Variants in MYO18A observed in about 807,000 individuals in gnomAD.
The protein encoded by MYO18A is myosin XVIIIA, also known as unconventional myosin-XVIIIa.
MYO18A carries 78 observed loss-of-function variants against 235.8 expected under a neutral mutation model. The ratio of observed to expected loss-of-function variants is 0.33; its 90% CI spans 0.28 to 0.40. The LOEUF (loss-of-function observed/expected upper bound fraction) is 0.40. Ranked by LOEUF, MYO18A falls within the 10% of genes least tolerant of loss-of-function variation. The pLI, the probability that MYO18A is intolerant of heterozygous loss-of-function variation, is 1.00. For synonymous variants in MYO18A, 977 were observed against 1,077.8 expected, an observed-to-expected ratio of 0.91 and a Z score of 1.83; for missense variants, 2,215 against 2,699.3, an observed-to-expected ratio of 0.82 and a Z score of 3.98.
Position 29,115,034 on chromosome 17 carries a change from T to A in MYO18A, c.2384A>T (p.Asn795Ile), listed in dbSNP as rs766833291. The change falls in exon 14 of 42, where the codon AAC becomes ATC. Residue 795 changes from asparagine to isoleucine, a missense_variant. Physicochemically the swap from Asn to Ile is moderately radical, Grantham distance 149. Transcript: ENST00000527372. ...GCGGGCTGACCCACCCTGCTCAGGGTTCTGGAAGCCCGGGGTGTCGACAAT... is the reference window on the plus strand; with the variant it reads ...GCGGGCTGACCCACCCTGCTCAGGGATCTGGAAGCCCGGGGTGTCGACAAT... ...MMIVDTPGFQ[N>I]PEQGGSARGA... The A allele has an allele frequency of 1.9e-5, 30 of 1,613,586 alleles. No homozygotes were observed. The highest frequency in any genetic ancestry group is 1.9e-5 in the Non-Finnish European group (23 of 1,179,874).
chr17:29,174,104 C>A (rs751461695), intron 1 of MYO18A, among the ~76,000 whole-genome samples: 2 of 152,158 alleles, frequency 1.3e-5, no homozygotes, highest in African/African-American at 4.8e-5. Flanking sequence ...ATTCTTTGGG[C>A]AATTCCATTA....
chr17:29,105,768 C>T (rs2066769287), intron 20 of MYO18A, among the ~76,000 whole-genome samples: 1 of 152,138 alleles, frequency 6.6e-6, no homozygotes, highest in South Asian at 2.1e-4. Context: ...AAGGAGGGGA[C>T]ATCTAGAAGA....
At chr17:29,089,636 T>C (rs533174363) in intron 37 of MYO18A, among the ~76,000 whole-genome samples, 2 of 152,246 alleles carry the variant, frequency 1.3e-5, no homozygotes, top group Admixed American at 1.3e-4. Flanking sequence ...TGCATATTTA[T>C]GACCCTGCCA....
chr17:29,127,960 G>A (rs941972047), intron 2 of MYO18A: 1 of 1,005,366 alleles, frequency 9.9e-7, no homozygotes, highest in Non-Finnish European at 1.2e-6. Context: ...GGGCTGGGGA[G>A]CGCTGCTTCT....
Position 29,116,531 on chromosome 17 carries a change from C to T in MYO18A, c.2039-76G>A, listed in dbSNP as rs528953990. 2.1e-4 allele frequency: 340 copies of T among 1,587,852 alleles called. 1 individual carries two copies. In the Admixed American group the frequency reaches 2.4e-3, roughly 11 times the overall value. On this transcript the variant is annotated intron_variant, in intron 10 of 41. Transcript: ENST00000527372. ...GCAAACAGTCATCAATAGAGCTCGC[C>T]GCCTCGGAGGGACCGTGGGGCGGGG... is the stretch of plus-strand genomic sequence containing the variant.
rs957531038 is a variant in MYO18A at position 29,090,252 on chromosome 17, T to TCC, written c.5389-156_5389-155dup. The TCC allele has an allele frequency of 1.8e-5, 15 of 843,206 alleles. No individual in the cohort carries two copies. In the African/African-American group the frequency reaches 2.6e-4, roughly 14 times the overall value. The allele number at this position is 843,206 out of a possible 1,614,324, so 52.2% of individuals were successfully genotyped here. A position where few individuals can be genotyped will look rare whatever the true frequency, so the allele number is the denominator to read the frequency against. Reference sequence around the variant, plus strand: ...AGAATGGAGCCCTGGGCCAGAGGCCTCCCCCATCTGCCCCAGTGCTTGGCA... The same window carrying TCC: ...AGAATGGAGCCCTGGGCCAGAGGCCTCCCCCCCATCTGCCCCAGTGCTTGGCA... On this transcript the variant is annotated intron_variant, in intron 36 of 41. Coordinates refer to ENST00000527372, the MANE Select transcript of MYO18A (RefSeq NM_078471.4).
chr17:29,144,132 T>C (rs1267263136), intron 2 of MYO18A, among the ~76,000 whole-genome samples: 1 of 152,208 alleles, frequency 6.6e-6, no homozygotes, highest in Non-Finnish European at 1.5e-5. Context: ...TGGTGCAATA[T>C]CAGGGCATGG....
Position 29,111,588 on chromosome 17 carries a change from T to C in MYO18A, c.2741-5A>G, listed in dbSNP as rs1008930439. ...TGTGCAGAAGGGGGCTTTGGCCTGA[T>C]GGTGGGAGAAGCAAGATTTAGGTCG... is the stretch of plus-strand genomic sequence containing the variant. On this transcript the variant is annotated splice_polypyrimidine_tract_variant and splice_region_variant and intron_variant, in intron 16 of 41. Coordinates refer to ENST00000527372, the MANE Select transcript of MYO18A (RefSeq NM_078471.4). This position sits in a 1 kb window ranked among gnomAD's most constrained non-coding sequence, Gnocchi z 5.1. 2 of 1,613,794 alleles carry C rather than the reference T, an allele frequency of 1.2e-6. No homozygotes were observed. The highest frequency in any genetic ancestry group is 1.7e-6 in the Non-Finnish European group (2 of 1,179,818).
chr17:29,111,811 TC>T lies in MYO18A; in HGVS notation c.2650del (p.Glu884LysfsTer55), dbSNP rs775979887. 1 of 1,613,692 alleles carries T rather than the reference TC, an allele frequency of 6.2e-7. No homozygotes were observed. Among genetic ancestry groups the T allele is most frequent in the Non-Finnish European group, 8.5e-7 (1 of 1,179,720 alleles). ...DEARGLLWLL[E>X]EEALVPGASE... ...GGCCCCTGGCACCAGAGCCTCCTCTTCCAATAGCCAGAGCAGGCCCCTCGCC... is the reference window on the plus strand; with the variant it reads ...GGCCCCTGGCACCAGAGCCTCCTCTTCAATAGCCAGAGCAGGCCCCTCGCC... On this transcript the variant is annotated frameshift_variant, in exon 16 of 42. Coordinates refer to ENST00000527372, the MANE Select transcript of MYO18A (RefSeq NM_078471.4). LOFTEE classifies it high-confidence loss of function. This position sits in a 1 kb window ranked among gnomAD's most constrained non-coding sequence, Gnocchi z 5.1.
chr17:29,094,544 G>A (rs1403699293), intron 30 of MYO18A, 106 bp downstream of exon 30: 28 of 1,140,006 alleles, frequency 2.5e-5, no homozygotes, highest in South Asian at 1.8e-4. Flanking sequence ...GAGTGAATAC[G>A]CGAATGAATG....
chr17:29,102,764 G>T (rs555709899), intron 21 of MYO18A, among the ~76,000 whole-genome samples: 5 of 152,306 alleles, frequency 3.3e-5, no homozygotes, highest in African/African-American at 1.2e-4. Context: ...ATGCAGGGCC[G>T]AGAGGACCAA....
intron 36 of MYO18A, 70 bp downstream of exon 36, chr17:29,090,462 A>T: frequency 7.2e-7 from 1 of 1,390,582 alleles, no homozygotes; most frequent in Non-Finnish European, 9.9e-7. Context: ...TAAACTGTGA[A>T]CTTGGGGGTT....
intron 2 of MYO18A, chr17:29,128,192 G>A: frequency 8.7e-7 from 1 of 1,154,820 alleles, no homozygotes; most frequent in Non-Finnish European, 1.1e-6. Context: ...CGGAGCAGGG[G>A]GAGGTGGGGG....
Position 29,111,463 on chromosome 17 carries a change from G to A in MYO18A, c.2861C>T (p.Ala954Val), listed in dbSNP as rs1358028803. The A allele has an allele frequency of 3.1e-6, 5 of 1,612,296 alleles. No individual in the cohort carries two copies. Among genetic ancestry groups the A allele is most frequent in the Admixed American group, 1.7e-5 (1 of 59,684 alleles). ...GWLNYTKQNP[A>V]TQNAPRLLQD... ...CAGGAGCCGGGGGGCATTCTGGGTG[G>A]CTGGGTTCTGCTTGGTGTAGTTCAG... Residue 954 changes from alanine (A) to valine (V), a missense_variant, in exon 17 of 42, where the codon GCC becomes GTC. Physicochemically the swap from Ala to Val is moderately conservative, Grantham distance 64. Transcript: ENST00000527372. The surrounding 1 kb of genome is among the most constrained non-coding windows in gnomAD (Gnocchi z 5.1).
chr17:29,123,461 A>G (rs1037762272), intron 2 of MYO18A, among the ~76,000 whole-genome samples: 12 of 152,230 alleles, frequency 7.9e-5, no homozygotes, highest in African/African-American at 2.7e-4. Flanking sequence ...AGGAAAAGAT[A>G]AGAAAACATA....
At chr17:29,094,428 C>T (rs1192073505) in intron 30 of MYO18A, 2 of 617,602 alleles carry the variant, frequency 3.2e-6, no homozygotes, top group Non-Finnish European at 5.7e-6. Context: ...CCCCTCCCTA[C>T]TAGAGCTCCA....
intron 2 of MYO18A, among the ~76,000 whole-genome samples, chr17:29,139,192 T>C (rs56769926): frequency 0.017 from 2,644 of 152,202 alleles, 75 homozygotes; most frequent in African/African-American, 0.06. Context: ...CTGCCGCAAC[T>C]GCAGTTGCAG....
intron 15 of MYO18A, among the ~76,000 whole-genome samples, chr17:29,112,964 G>A (rs1341570858): frequency 1.3e-5 from 2 of 152,194 alleles, no homozygotes; most frequent in African/African-American, 2.4e-5. Flanking sequence ...TTCCCCAGGG[G>A]TGCAGCCGCC....
chr17:29,083,660 A>G (rs1028087024), intron 40 of MYO18A, among the ~76,000 whole-genome samples: 6 of 152,170 alleles, frequency 3.9e-5, no homozygotes, highest in African/African-American at 1.4e-4. Context: ...CAGAATTATA[A>G]CAAAGACGAG....
Sources: gnomAD v4.1 joint callset for allele counts (sites outside exome capture counted in the v4.1 genomes callset) on GRCh38, gnomAD v4.1.1 for gene constraint, Gnocchi (gnomAD v3.1) non-coding constraint, MANE v1.5 for transcripts, NCBI Gene and HGNC (gene_info 2026-07-23, HGNC 2026-07-21) for gene names.